MICAL3: variants seen among roughly 807,000 people sequenced by gnomAD.
The protein encoded by MICAL3 is microtubule associated monooxygenase, calponin and LIM domain containing 3.
A neutral mutation model predicts 207.4 loss-of-function variants in MICAL3; 62 were observed. The ratio of observed to expected loss-of-function variants is 0.30; its 90% CI spans 0.24 to 0.37. MICAL3 has a LOEUF of 0.37. Ranked by LOEUF, MICAL3 falls within the 10% of genes least tolerant of loss-of-function variation. The pLI is 1.00. For synonymous variants in MICAL3, 1,077 were observed against 1,069.3 expected (o/e 1.01, Z -0.14); for missense variants, 2,368 against 2,635.6 (o/e 0.90, Z 2.22).
Position 17,816,672 on chromosome 22 carries a change from C to T in MICAL3, c.5445+18G>A. 6.5e-7 allele frequency: 1 copy of T among 1,544,838 alleles called. No homozygotes were observed. The highest frequency in any genetic ancestry group is 8.8e-7 in the Non-Finnish European group (1 of 1,141,156). ...ACAGGGCCCCAGGCCCTGTGAAGCC[C>T]CCTGCCTGACTACCCACCTCTCGCC... is the stretch of plus-strand genomic sequence containing the variant. On this transcript the variant is annotated intron_variant, in intron 27 of 31. Transcript: ENST00000441493.
Position 17,827,625 on chromosome 22 carries a change from T to G in MICAL3, c.3193+19A>C. 1 of 1,547,298 alleles carries G rather than the reference T, an allele frequency of 6.5e-7. No homozygotes were observed. The highest frequency in any genetic ancestry group is 8.7e-7 in the Non-Finnish European group (1 of 1,144,814). ...GTGGTGCTCGGGGCACACTGCGGCC[T>G]GGGGCTGGGAGTGTTTACCTCCGGA... On this transcript the variant is annotated intron_variant, in intron 22 of 31. Coordinates refer to ENST00000441493, the MANE Select transcript of MICAL3 (RefSeq NM_015241.3).
intron 1 of MICAL3, among the ~76,000 whole-genome samples, chr22:18,015,543 G>A (rs1388132718): frequency 6.7e-6 from 1 of 149,422 alleles, no homozygotes; most frequent in African/African-American, 2.5e-5. Flanking sequence ...CTCCCAAGTA[G>A]CTGGGATTAC....
intron 1 of MICAL3, among the ~76,000 whole-genome samples, chr22:17,974,162 G>A (rs1935534896): frequency 6.6e-6 from 1 of 152,146 alleles, no homozygotes; most frequent in African/African-American, 2.4e-5. Flanking sequence ...TGACGAGGCA[G>A]TCAAGAGCAA....
chr22:17,988,995 A>C (rs984809427), intron 1 of MICAL3, among the ~76,000 whole-genome samples: 2 of 152,100 alleles, frequency 1.3e-5, no homozygotes, highest in African/African-American at 2.4e-5. Flanking sequence ...CCTTTTACAG[A>C]AACAAATTTG....
rs974423076 is a variant in MICAL3, at chr22:17,902,386, A to G, written c.589+245T>C. Among the ~76,000 whole-genome samples, 1 of 152,200 alleles carries G rather than the reference A, an allele frequency of 6.6e-6. No individual in the cohort carries two copies. Among genetic ancestry groups the G allele is most frequent in the Admixed American group, 6.5e-5 (1 of 15,290 alleles). ...GGCGACAGAGTGAGACTCTCATCTAACAAAGAAAAAGCAGTGGGGACAAAC... is the reference window on the plus strand; with the variant it reads ...GGCGACAGAGTGAGACTCTCATCTAGCAAAGAAAAAGCAGTGGGGACAAAC... On this transcript the variant is annotated intron_variant, in intron 4 of 31. Transcript: ENST00000441493. The surrounding 1 kb of genome is among the most constrained non-coding windows in gnomAD (Gnocchi z 4.5).
intron 1 of MICAL3, among the ~76,000 whole-genome samples, chr22:17,955,852 C>T (rs1457010001): frequency 6.6e-6 from 1 of 152,132 alleles, no homozygotes; most frequent in Non-Finnish European, 1.5e-5. Context: ...AGGATTGGAC[C>T]GGGAAAAGAT....
intron 13 of MICAL3, among the ~76,000 whole-genome samples, chr22:17,888,769 G>A (rs1444489545): frequency 6.6e-6 from 1 of 152,248 alleles, no homozygotes; most frequent in Non-Finnish European, 1.5e-5. Flanking sequence ...CTAGAAGGTG[G>A]TGGTCACGGA....
intron 1 of MICAL3, among the ~76,000 whole-genome samples, chr22:17,945,252 C>T (rs991661612): frequency 6.6e-5 from 10 of 152,160 alleles, no homozygotes; most frequent in African/African-American, 1.7e-4. Context: ...TTCAGCCTAG[C>T]CGGTGGTGGT....
intron 1 of MICAL3, among the ~76,000 whole-genome samples, chr22:17,963,313 T>C (rs1165054849): frequency 1.3e-5 from 2 of 152,080 alleles, no homozygotes; most frequent in African/African-American, 2.4e-5. Flanking sequence ...GGTTTCAACA[T>C]GTTGCCCAAG....
At chr22:17,794,232 T>C (rs1229049681) in intron 29 of MICAL3, among the ~76,000 whole-genome samples, 1 of 152,210 alleles carries the variant, frequency 6.6e-6, no homozygotes, top group Non-Finnish European at 1.5e-5. Context: ...CCGGGGCCTT[T>C]GGGGCCTTGG....
chr22:17,899,493 C>T lies in MICAL3; in HGVS notation c.903G>A (p.Met301Ile). 1.2e-6 allele frequency: 2 copies of T among 1,610,514 alleles called. No homozygotes were observed. Among genetic ancestry groups the T allele is most frequent in the Non-Finnish European group, 1.7e-6 (2 of 1,178,156 alleles). ...CCAGCAAACTCTGCTTTTTGGCTGT[C>T]ATAACGAAATAGTGTGTGTCATCTT... ...YYKDDTHYFVMTAKKQSLLDK... is the reference protein window; with the variant it reads ...YYKDDTHYFVITAKKQSLLDK... The change falls in exon 7 of 32, where the codon ATG (methionine) becomes ATA (isoleucine). Residue 301 changes from methionine to isoleucine, a missense_variant. Around this residue, in one of 4 missense-constraint regions of MICAL3, gnomAD observed 400 missense variants for 547.0 expected, o/e 0.73. Coordinates refer to ENST00000441493, the MANE Select transcript of MICAL3 (RefSeq NM_015241.3).
At chr22:17,791,516 C>A (rs932814305) in intron 29 of MICAL3, 1 of 581,110 alleles carries the variant, frequency 1.7e-6, no homozygotes, top group South Asian at 2.0e-5. Flanking sequence ...CTGTTCACCC[C>A]GTCAGCGACC....
At chr22:17,910,521 A>G (rs1688191243) in intron 1 of MICAL3, among the ~76,000 whole-genome samples, 1 of 152,154 alleles carries the variant, frequency 6.6e-6, no homozygotes, top group East Asian at 1.9e-4. Context: ...CCCCGGCCGA[A>G]GAGATTTCGA....
intron 13 of MICAL3, 82 bp downstream of exon 13, chr22:17,888,952 C>CGGGACA (rs1267184528): frequency 2.1e-6 from 2 of 950,370 alleles, no homozygotes; most frequent in Non-Finnish European, 3.1e-6. Flanking sequence ...GGCACTGCTG[C>CGGGACA]GGGACAGTCG....
chr22:17,821,436 G>C lies in MICAL3; in HGVS notation c.3522C>G (p.Pro1174=). The change falls in exon 25 of 32, where the codon CCC becomes CCG. Residue 1174 remains proline (P), a synonymous_variant. Coordinates refer to ENST00000441493, the MANE Select transcript of MICAL3 (RefSeq NM_015241.3). ...SALLFIPVHS[P]STEGPQLPPV... ...AGCCCCAAACCCTTACCTCTGTTGA[G>C]GGGCTGTGGACTGGAATGAACAGAA... The C allele has an allele frequency of 7.1e-6, 11 of 1,544,056 alleles. No homozygotes were observed. The highest frequency in any genetic ancestry group is 9.6e-6 in the Non-Finnish European group (11 of 1,144,246).
chr22:17,799,949 AACACACAC>A lies in MICAL3; in HGVS notation c.5651-8656_5651-8649del, dbSNP rs3078144. On this transcript the variant is annotated intron_variant, in intron 29 of 31. Coordinates refer to ENST00000441493, the MANE Select transcript of MICAL3 (RefSeq NM_015241.3). Reference sequence around the variant, plus strand: ...CGCGCGCTGGGAAACCTCACTCTAAAACACACACACACACACACACACACACACACACA... The same window carrying A: ...CGCGCGCTGGGAAACCTCACTCTAAAACACACACACACACACACACACACA... Among the ~76,000 whole-genome samples, 915 of 146,816 alleles carry A rather than the reference AACACACAC, an allele frequency of 6.2e-3. 6 individuals are homozygous for A. The highest frequency in any genetic ancestry group is 0.026 in the East Asian group (130 of 5,040).
intron 12 of MICAL3, 45 bp from the exon 13 acceptor site, chr22:17,889,275 C>A: frequency 6.9e-7 from 1 of 1,446,646 alleles, no homozygotes; most frequent in Non-Finnish European, 9.7e-7. Flanking sequence ...GGTTGACAGT[C>A]CTTAAACAGA....
chr22:17,921,401 T>C (rs1317279842), intron 1 of MICAL3, among the ~76,000 whole-genome samples: 1 of 152,200 alleles, frequency 6.6e-6, no homozygotes, highest in Non-Finnish European at 1.5e-5. Context: ...CTTTGGCAAA[T>C]GTATCTCTTA....
chr22:17,826,467 C>T, intron 22 of MICAL3: 3 of 985,950 alleles, frequency 3.0e-6, no homozygotes, highest in Non-Finnish European at 3.6e-6. Flanking sequence ...CGGAGACCGT[C>T]TCCAGCCAGG....
Sources: gnomAD v4.1 joint callset for allele counts (sites outside exome capture counted in the v4.1 genomes callset) on GRCh38, gnomAD v4.1.1 for gene constraint, gnomAD v4.1.1 regional missense constraint, Gnocchi (gnomAD v3.1) non-coding constraint, MANE v1.5 for transcripts, NCBI Gene and HGNC (gene_info 2026-07-23, HGNC 2026-07-21) for gene names.